CNTNAP2: variants seen among roughly 807,000 people sequenced by gnomAD.
CNTNAP2 encodes contactin-associated protein-like 2.
Under a neutral mutation model 155.2 loss-of-function variants are expected in CNTNAP2, and 98 were observed. The observed-to-expected ratio is 0.63, with a 90% confidence interval of 0.54 to 0.75. CNTNAP2 has a LOEUF of 0.75. Ranked by LOEUF, CNTNAP2 falls within the 30% of genes least tolerant of loss-of-function variation. The pLI is 0.00. For synonymous variants in CNTNAP2, 651 were observed against 631.2 expected, an observed-to-expected ratio of 1.03 and a Z score of -0.47; for missense variants, 1,727 against 1,688.1, an observed-to-expected ratio of 1.02 and a Z score of -0.40.
At chr7:146,291,901 TGTC>T (rs1406126560) in intron 1 of CNTNAP2, among the ~76,000 whole-genome samples, 2 of 151,918 alleles carry the variant, frequency 1.3e-5, no homozygotes, top group African/African-American at 4.8e-5. Flanking sequence ...AAAATAAAAA[TGTC>T]GTGCACATAA....
At chr7:147,924,745 G>A (rs1800354653) in intron 14 of CNTNAP2, among the ~76,000 whole-genome samples, 1 of 152,114 alleles carries the variant, frequency 6.6e-6, no homozygotes, top group South Asian at 2.1e-4. Flanking sequence ...GTCTTAGACT[G>A]TCCTTGTGCA....
chr7:146,907,088 G>C (rs1449529168), intron 3 of CNTNAP2, among the ~76,000 whole-genome samples: 1 of 151,504 alleles, frequency 6.6e-6, no homozygotes, highest in Non-Finnish European at 1.5e-5. Flanking sequence ...GAAGCGAGAA[G>C]GGAAGTTTAG....
chr7:146,518,244 G>A (rs1797569225), intron 1 of CNTNAP2, among the ~76,000 whole-genome samples: 1 of 150,984 alleles, frequency 6.6e-6, no homozygotes, highest in African/African-American at 2.4e-5. Context: ...GTTTTGAGTA[G>A]AACAGGCTTG....
rs1272590854 is a variant in CNTNAP2 at position 146,240,114 on chromosome 7, A to G, written c.97+123141A>G. ...CTTTTGTTTTATTTCCTTTTAAATA[A>G]TAGAAACTGTATTAACTATTGGGTT... is the stretch of plus-strand genomic sequence containing the variant. On this transcript the variant is annotated intron_variant, in intron 1 of 23. Coordinates refer to ENST00000361727, the MANE Select transcript of CNTNAP2 (RefSeq NM_014141.6). Among the ~76,000 whole-genome samples, 2 of 152,308 alleles carry G rather than the reference A, an allele frequency of 1.3e-5. 1 individual carries two copies. The highest frequency in any genetic ancestry group is 4.1e-4 in the South Asian group (2 of 4,832).
chr7:148,092,301 A>G (rs1803859981), intron 15 of CNTNAP2, among the ~76,000 whole-genome samples: 1 of 152,340 alleles, frequency 6.6e-6, no homozygotes, highest in East Asian at 1.9e-4. Flanking sequence ...CTGGGGAATC[A>G]TACATCAATC....
chr7:146,221,680 A>G (rs1388993023), intron 1 of CNTNAP2, among the ~76,000 whole-genome samples: 1 of 152,224 alleles, frequency 6.6e-6, no homozygotes, highest in Non-Finnish European at 1.5e-5. Context: ...ATAGCAGATT[A>G]CTGAATGACT....
chr7:148,387,988 TAGCAATG>T (rs1032543925), intron 22 of CNTNAP2, among the ~76,000 whole-genome samples: 18 of 152,144 alleles, frequency 1.2e-4, no homozygotes, highest in African/African-American at 4.1e-4. Flanking sequence ...ATAAATGCCA[TAGCAATG>T]TCAGGAAGTT....
chr7:148,132,861 C>T (rs1202010940), intron 16 of CNTNAP2, among the ~76,000 whole-genome samples: 1 of 152,170 alleles, frequency 6.6e-6, no homozygotes, highest in Non-Finnish European at 1.5e-5. Context: ...CACTTCTCTC[C>T]ACTCTGAAAC....
chr7:146,847,803 G>C (rs745566902), intron 3 of CNTNAP2, among the ~76,000 whole-genome samples: 12 of 152,022 alleles, frequency 7.9e-5, no homozygotes, highest in Non-Finnish European at 1.8e-4. Context: ...ATCACATCGA[G>C]TCCTATGCCT....
At chr7:147,467,632 G>C (rs1584750768) in intron 10 of CNTNAP2, among the ~76,000 whole-genome samples, 1 of 152,134 alleles carries the variant, frequency 6.6e-6, no homozygotes, top group Non-Finnish European at 1.5e-5. Flanking sequence ...ACCATATATG[G>C]ATGTGAGACA....
At chr7:147,391,360 CT>C (rs200103653) in intron 9 of CNTNAP2, among the ~76,000 whole-genome samples, 1 of 152,128 alleles carries the variant, frequency 6.6e-6, no homozygotes, top group South Asian at 2.1e-4. Flanking sequence ...GTAAGTCATC[CT>C]TTTTTTATGT....
intron 13 of CNTNAP2, among the ~76,000 whole-genome samples, chr7:147,711,866 C>T (rs144072608): frequency 0.016 from 2,508 of 152,256 alleles, 225 homozygotes; most frequent in Admixed American, 0.15. Flanking sequence ...GCTGGGGACA[C>T]TACTTCAGAA....
intron 3 of CNTNAP2, among the ~76,000 whole-genome samples, chr7:146,869,241 A>G (rs1795261385): frequency 6.6e-6 from 1 of 152,102 alleles, no homozygotes; most frequent in Non-Finnish European, 1.5e-5. Flanking sequence ...GTTAAATTTT[A>G]TTGAAAGCCT....
chr7:147,300,264 A>C lies in CNTNAP2; in HGVS notation c.1472A>C (p.Lys491Thr). The change falls in exon 9 of 24, where the codon AAA becomes ACA. Residue 491 changes from lysine (K) to threonine (T), a missense_variant. Coordinates refer to ENST00000361727, the MANE Select transcript of CNTNAP2 (RefSeq NM_014141.6). ...CGAACTAATAGTCCCCTTCAAGTTA[A>C]AACTGGCGAGAAGTACTTTTTTGGA... The part of the protein sequence containing the change: ...AVRTNSPLQV[K>T]TGEKYFFGGF... 1 of 1,613,888 alleles carries C rather than the reference A, an allele frequency of 6.2e-7. No individual in the cohort carries two copies. The highest frequency in any genetic ancestry group is 1.1e-5 in the South Asian group (1 of 91,082).
chr7:146,587,583 G>C (rs562105924), intron 1 of CNTNAP2, among the ~76,000 whole-genome samples: 28 of 152,082 alleles, frequency 1.8e-4, no homozygotes, highest in Admixed American at 6.6e-4. Context: ...ACATACAAAT[G>C]TCATTGTTAT....
chr7:148,415,107 T>C (rs1169641658), intron 23 of CNTNAP2, among the ~76,000 whole-genome samples: 2 of 152,248 alleles, frequency 1.3e-5, no homozygotes, highest in Non-Finnish European at 2.9e-5. Flanking sequence ...TTCCTCCTTT[T>C]TGTTTCTCTG....
At chr7:148,020,383 A>G (rs1019532614) in intron 15 of CNTNAP2, among the ~76,000 whole-genome samples, 1 of 152,218 alleles carries the variant, frequency 6.6e-6, no homozygotes, top group Non-Finnish European at 1.5e-5. Context: ...AGTTTACTGT[A>G]TAGTATATCT....
intron 1 of CNTNAP2, among the ~76,000 whole-genome samples, chr7:146,217,317 G>A (rs1799129973): frequency 1.3e-5 from 2 of 152,238 alleles, no homozygotes; most frequent in South Asian, 2.1e-4. Context: ...CACTGTTTAC[G>A]TTCATTGCAT....
chr7:147,342,151 T>G (rs144733059), intron 9 of CNTNAP2, among the ~76,000 whole-genome samples: 1 of 152,120 alleles, frequency 6.6e-6, no homozygotes, highest in Non-Finnish European at 1.5e-5. Context: ...GGCTACACTC[T>G]CATAACCTAA....
Sources: gnomAD v4.1 joint callset for allele counts (sites outside exome capture counted in the v4.1 genomes callset) on GRCh38, gnomAD v4.1.1 for gene constraint, MANE v1.5 for transcripts, NCBI Gene and HGNC (gene_info 2026-07-23, HGNC 2026-07-21) for gene names.